LSM2: variants seen among roughly 807,000 people sequenced by gnomAD.
LSM2 encodes the protein U6 snRNA-associated Sm-like protein LSm2.
A neutral mutation model predicts 17.0 loss-of-function variants in LSM2; 12 were observed. The observed-to-expected ratio is 0.70, with a 90% CI of 0.45 to 1.14. LSM2 has a LOEUF of 1.14. LSM2 is among the 50% of genes most tolerant of loss of function. LSM2 has a pLI of 0.00. For synonymous variants in LSM2, 42 were observed against 44.5 expected, an observed-to-expected ratio of 0.94 and a Z score of 0.22; for missense variants, 62 against 111.8, an observed-to-expected ratio of 0.55 and a Z score of 2.01.
chr6:31,803,435 G>T (rs530080484), intron 2 of LSM2, among the ~76,000 whole-genome samples: 60 of 152,188 alleles, frequency 3.9e-4, no homozygotes, highest in African/African-American at 1.4e-3. Flanking sequence ...AGTGAGCTAT[G>T]GTGGTGCCAC....
rs913057850 is a variant in LSM2 at position 31,806,935 on chromosome 6, G to A, written c.-178C>T. Reference sequence around the variant, plus strand: ...GGCAAAGCGCGGCCGACTTGCGGCTGGGGAGCGCAAGCTGGGTAGAGTAGA... The same window carrying A: ...GGCAAAGCGCGGCCGACTTGCGGCTAGGGAGCGCAAGCTGGGTAGAGTAGA... On this transcript the variant is annotated 5_prime_UTR_variant, in exon 1 of 5. Coordinates refer to ENST00000375661, the MANE Select transcript of LSM2 (RefSeq NM_021177.5). 5 of 785,960 alleles carry A rather than the reference G, an allele frequency of 6.4e-6. No individual in the cohort carries two copies. The African/African-American group carries it at 7.4e-5, about 12-fold the overall frequency. 48.7% of individuals were successfully genotyped at this position (785,960 alleles called of 1,614,324 possible).
intron 2 of LSM2, among the ~76,000 whole-genome samples, chr6:31,802,190 G>C (rs1405117151): frequency 6.6e-6 from 1 of 151,424 alleles, no homozygotes; most frequent in Non-Finnish European, 1.5e-5. Flanking sequence ...TGAGGCAGGA[G>C]AATCACTTGA....
At chr6:31,798,084 A>ATT (rs9279422) in intron 3 of LSM2, 35 bp from the exon 4 acceptor site, 314 of 1,238,658 alleles carry the variant, frequency 2.5e-4, no homozygotes, top group Middle Eastern at 1.0e-3. Flanking sequence ...TATTATTATT[A>ATT]TTTTTTTTTT....
At chr6:31,804,751 GTTCTTTTTT>G (rs1306940159) in intron 2 of LSM2, among the ~76,000 whole-genome samples, 6 of 138,566 alleles carry the variant, frequency 4.3e-5, no homozygotes, top group South Asian at 2.3e-4. Flanking sequence ...CCTATGGCCT[GTTCTTTTTT>G]TTCTTTTTTT....
chr6:31,799,847 G>A (rs1052451368), intron 2 of LSM2, among the ~76,000 whole-genome samples: 3 of 151,990 alleles, frequency 2.0e-5, no homozygotes, highest in African/African-American at 4.8e-5. Flanking sequence ...TGCTATTTGA[G>A]GAATGCTATC....
intron 2 of LSM2, among the ~76,000 whole-genome samples, chr6:31,802,133 A>T (rs1435361199): frequency 6.6e-6 from 1 of 151,828 alleles, no homozygotes; most frequent in Non-Finnish European, 1.5e-5. Context: ...TACAAAAATT[A>T]GCCAGGTATG....
chr6:31,801,444 G>T (rs1009578656), intron 2 of LSM2, among the ~76,000 whole-genome samples: 2 of 152,122 alleles, frequency 1.3e-5, no homozygotes, highest in African/African-American at 2.4e-5. Flanking sequence ...ATTTTATTAA[G>T]TCCCTTAAGG....
At position 31,806,552 on chromosome 6, in the gene LSM2, G is replaced by C. The variant is rs553275292; in HGVS notation, c.3+203C>G. On this transcript the variant is annotated intron_variant, in intron 1 of 4. Coordinates refer to ENST00000375661, the MANE Select transcript of LSM2 (RefSeq NM_021177.5). The stretch of plus-strand genomic sequence containing the variant: ...GCTATCCTCACTGAATCTCTCTCAG[G>C]GTTGGGGTTTTTTCCCTCATCATGG... 25 of 733,858 alleles carry C rather than the reference G, an allele frequency of 3.4e-5. 1 individual carries two copies. In the South Asian group the frequency reaches 4.1e-4, roughly 12 times the overall value. 45.5% of individuals were successfully genotyped at this position (733,858 alleles called of 1,614,324 possible). A position where few individuals can be genotyped will look rare whatever the true frequency, so the allele number is the denominator to read the frequency against.
intron 2 of LSM2, among the ~76,000 whole-genome samples, chr6:31,799,306 G>C (rs1282820941): frequency 6.6e-6 from 1 of 152,000 alleles, no homozygotes; most frequent in East Asian, 1.9e-4. Context: ...GCGTGATCAT[G>C]GCTCACTGTG....
At position 31,806,794 on chromosome 6, in the gene LSM2, G is replaced by A. The variant is rs1006584759; in HGVS notation, c.-37C>T. ...CGCGGGCAGCGGGCCGGACCGGGAA[G>A]ACAGCAGGGTGCTGCGAGCAGGTCT... On this transcript the variant is annotated 5_prime_UTR_variant, in exon 1 of 5. Coordinates refer to ENST00000375661, the MANE Select transcript of LSM2 (RefSeq NM_021177.5). The A allele has an allele frequency of 2.5e-6, 4 of 1,606,194 alleles. No individual in the cohort carries two copies. The African/African-American group carries it at 4.0e-5, about 16-fold the overall frequency.
Position 31,806,812 on chromosome 6 carries a change from G to A in LSM2, c.-55C>T, listed in dbSNP as rs1351045870. The A allele has an allele frequency of 1.3e-6, 2 of 1,592,862 alleles. No homozygotes were observed. The highest frequency in any genetic ancestry group is 2.3e-5 in the East Asian group (1 of 44,326). The stretch of plus-strand genomic sequence containing the variant: ...CCGGGAAGACAGCAGGGTGCTGCGA[G>A]CAGGTCTGGGGAAACCGAAGCGCGA... On this transcript the variant is annotated 5_prime_UTR_variant, in exon 1 of 5. Transcript: ENST00000375661.
chr6:31,805,813 TG>T (rs1815000623), intron 2 of LSM2, among the ~76,000 whole-genome samples: 1 of 152,164 alleles, frequency 6.6e-6, no homozygotes. Flanking sequence ...TTCTTAGAGA[TG>T]GGGTCTTGCT....
chr6:31,805,280 G>A (rs941904583), intron 2 of LSM2, among the ~76,000 whole-genome samples: 6 of 148,368 alleles, frequency 4.0e-5, no homozygotes, highest in Admixed American at 1.3e-4. Flanking sequence ...GACTAGTCTC[G>A]ACATCCTGGA....
rs1814523299 is a variant in LSM2, at chr6:31,798,570, C to T, written c.72-63G>A. On this transcript the variant is annotated intron_variant, in intron 2 of 4. Coordinates refer to ENST00000375661, the MANE Select transcript of LSM2 (RefSeq NM_021177.5). ...TATAACAAAGTCAACATAGAGGTGA[C>T]TTCAGAGCTGGGATGAGAACATGAC... 6.9e-6 allele frequency: 11 copies of T among 1,587,488 alleles called. No individual in the cohort carries two copies. In the Middle Eastern group the frequency reaches 5.0e-4, roughly 72 times the overall value.
At chr6:31,797,922 T>C in intron 4 of LSM2, 40 bp from the exon 5 acceptor site, 1 of 1,612,796 alleles carries the variant, frequency 6.2e-7, no homozygotes, top group Non-Finnish European at 8.5e-7. Context: ...CCCTTAAAAA[T>C]GTCCTCTAAC....
rs559841879 is a variant in LSM2, at chr6:31,804,136, G to A, written c.71+1939C>T. 4.6e-5 allele frequency among the ~76,000 whole-genome samples: 7 copies of A among 152,216 alleles called. 1 individual carries two copies. In the East Asian group the frequency reaches 1.4e-3, roughly 29 times the overall value. The stretch of plus-strand genomic sequence containing the variant: ...CCAACACTTTGAGAGGCTGAGGCAG[G>A]TGGATCACAAGGTCGAGAGTTCAAG... On this transcript the variant is annotated intron_variant, in intron 2 of 4. Transcript: ENST00000375661.
In LSM2 at chr6:31,797,702, G is replaced by C; in HGVS notation, c.*55C>G. The stretch of plus-strand genomic sequence containing the variant: ...TTGGGGGTTAGGGGTTCTGGGCTGG[G>C]ACTTGGGGTTATGGGTCACCAATGA... On this transcript the variant is annotated 3_prime_UTR_variant, in exon 5 of 5. Coordinates refer to ENST00000375661, the MANE Select transcript of LSM2 (RefSeq NM_021177.5). The C allele has an allele frequency of 6.2e-7, 1 of 1,610,926 alleles. No individual in the cohort carries two copies. The highest frequency in any genetic ancestry group is 1.7e-5 in the Admixed American group (1 of 59,994).
chr6:31,800,761 C>T (rs146752130), intron 2 of LSM2, among the ~76,000 whole-genome samples: 1 of 151,996 alleles, frequency 6.6e-6, no homozygotes, highest in Admixed American at 6.6e-5. Context: ...GTGGCGGGCA[C>T]CTGTAGTCCC....
At chr6:31,798,168 G>C (rs772738001) in intron 3 of LSM2, 119 bp from the exon 4 acceptor site, 1 of 967,850 alleles carries the variant, frequency 1.0e-6, no homozygotes, top group African/African-American at 1.7e-5. Flanking sequence ...TGCAATCTCC[G>C]CCTCCTGGGT....
Sources: gnomAD v4.1 joint callset for allele counts (sites outside exome capture counted in the v4.1 genomes callset) on GRCh38, gnomAD v4.1.1 for gene constraint, MANE v1.5 for transcripts, NCBI Gene and HGNC (gene_info 2026-07-23, HGNC 2026-07-21) for gene names.